The following PEAK1 variants were observed in gnomAD, a reference collection of about 807,000 sequenced individuals.
PEAK1 encodes pseudopodium enriched atypical kinase 1.
A neutral mutation model predicts 124.7 loss-of-function variants in PEAK1; 54 were observed. The ratio of observed to expected loss-of-function variants is 0.43; its 90% CI spans 0.35 to 0.54. PEAK1 has a LOEUF of 0.54. PEAK1 is among the 20% of genes least tolerant of loss of function. PEAK1 has a pLI of 0.01. For missense variants in PEAK1, 2,046 were observed against 2,134.5 expected (o/e 0.96, Z 0.82); for synonymous variants, 719 against 760.0 (o/e 0.95, Z 0.89).
chr15:77,391,214 A>G (rs2070421507), intron 1 of PEAK1, among the ~76,000 whole-genome samples: 1 of 152,158 alleles, frequency 6.6e-6, no homozygotes. Context: ...AGTTTCACAT[A>G]AAGAATAGGA....
At chr15:77,135,276 G>A (rs1486503291) in intron 8 of PEAK1, among the ~76,000 whole-genome samples, 1 of 152,156 alleles carries the variant, frequency 6.6e-6, no homozygotes, top group Non-Finnish European at 1.5e-5. Flanking sequence ...AATGAATAGG[G>A]GTGGTGGTTT....
intron 5 of PEAK1, among the ~76,000 whole-genome samples, chr15:77,275,972 T>C (rs544530421): frequency 1.3e-4 from 20 of 152,006 alleles, no homozygotes; most frequent in Non-Finnish European, 4.4e-5. Flanking sequence ...TCAATGTCAG[T>C]GGATGGGTTC....
intron 6 of PEAK1, among the ~76,000 whole-genome samples, chr15:77,218,427 A>T (rs1373869946): frequency 6.6e-6 from 1 of 151,686 alleles, no homozygotes; most frequent in African/African-American, 2.4e-5. Flanking sequence ...TAAAATGGTG[A>T]ATTATGTTGA....
chr15:77,280,733 C>T (rs1317997640), intron 5 of PEAK1, among the ~76,000 whole-genome samples: 2 of 152,224 alleles, frequency 1.3e-5, no homozygotes, highest in East Asian at 3.9e-4. Context: ...CAATATTCTT[C>T]TTATTGGTTT....
intron 1 of PEAK1, among the ~76,000 whole-genome samples, chr15:77,374,352 A>C (rs1380809361): frequency 6.6e-6 from 1 of 152,202 alleles, no homozygotes; most frequent in East Asian, 1.9e-4. Flanking sequence ...AGAATTTTCT[A>C]ATCACAGAAA....
intron 7 of PEAK1, among the ~76,000 whole-genome samples, chr15:77,162,748 A>T (rs534120340): frequency 6.6e-6 from 1 of 152,270 alleles, no homozygotes; most frequent in South Asian, 2.1e-4. Flanking sequence ...AACAAACTTG[A>T]TGGCATCAAG....
chr15:77,305,212 A>G (rs1430914448), intron 2 of PEAK1, among the ~76,000 whole-genome samples: 2 of 19,940 alleles, frequency 1.0e-4, no homozygotes, highest in Admixed American at 7.3e-4. Flanking sequence ...GGAGGGAGGG[A>G]GGGAGGGTGG....
intron 2 of PEAK1, among the ~76,000 whole-genome samples, chr15:77,311,955 T>C (rs2064493450): frequency 6.6e-6 from 1 of 152,028 alleles, no homozygotes; most frequent in South Asian, 2.1e-4. Flanking sequence ...GACTGCCTAG[T>C]TAGTAGTGTG....
intron 7 of PEAK1, among the ~76,000 whole-genome samples, chr15:77,170,925 G>A (rs1015706719): frequency 3.3e-5 from 5 of 152,080 alleles, no homozygotes; most frequent in African/African-American, 4.8e-5. Context: ...TTTTAAAAAT[G>A]ATAGTTGAGA....
intron 1 of PEAK1, among the ~76,000 whole-genome samples, chr15:77,405,098 C>T (rs1344265155): frequency 6.6e-6 from 1 of 151,890 alleles, no homozygotes; most frequent in African/African-American, 2.4e-5. Flanking sequence ...CTCCGCCTCC[C>T]GGGTTCAAGC....
chr15:77,219,182 A>G (rs2059276391), intron 6 of PEAK1, among the ~76,000 whole-genome samples: 1 of 152,164 alleles, frequency 6.6e-6, no homozygotes, highest in African/African-American at 2.4e-5. Flanking sequence ...GAGAATAATA[A>G]AGAGGCAGTT....
chr15:77,334,106 T>G, intron 2 of PEAK1: 1 of 873,244 alleles, frequency 1.1e-6, no homozygotes, highest in Non-Finnish European at 1.4e-6. Context: ...TAATTTGTAC[T>G]TGTTTTATCG....
intron 6 of PEAK1, among the ~76,000 whole-genome samples, chr15:77,188,951 T>C (rs538355125): frequency 1.3e-5 from 2 of 152,100 alleles, no homozygotes; most frequent in Non-Finnish European, 2.9e-5. Context: ...ATCCCAACAC[T>C]ACATTTTGGG....
chr15:77,149,365 G>C (rs2054407054), intron 8 of PEAK1, among the ~76,000 whole-genome samples: 1 of 152,146 alleles, frequency 6.6e-6, no homozygotes, highest in African/African-American at 2.4e-5. Flanking sequence ...AAAAGAGAAA[G>C]TGGTCTTTAT....
At chr15:77,168,128 C>T (rs966608160) in intron 7 of PEAK1, among the ~76,000 whole-genome samples, 1 of 152,032 alleles carries the variant, frequency 6.6e-6, no homozygotes, top group Non-Finnish European at 1.5e-5. Flanking sequence ...ACAATTGAAG[C>T]TTCTAACTGA....
downstream of PEAK1, chr15:77,105,628 AAG>A (rs2050743614): frequency 6.6e-6 from 1 of 152,206 alleles, no homozygotes; most frequent in Non-Finnish European, 1.5e-5. Flanking sequence ...TCCCTTGTAG[AAG>A]AGAGTGCGAA....
exon 7 of PEAK1, chr15:77,101,254 G>A (rs1244041112): frequency 6.6e-6 from 1 of 152,212 alleles, no homozygotes; most frequent in Admixed American, 6.5e-5. Context: ...GGTAGGAGGT[G>A]TTCAGAGAAA....
chr15:77,128,491 C>T (rs556683043), intron 9 of PEAK1, among the ~76,000 whole-genome samples: 1 of 152,284 alleles, frequency 6.6e-6, no homozygotes, highest in East Asian at 1.9e-4. Flanking sequence ...GCTAGGATAA[C>T]CATGACCAGT....
At chr15:77,205,709 G>C (rs2058608925) in intron 6 of PEAK1, among the ~76,000 whole-genome samples, 1 of 152,166 alleles carries the variant, frequency 6.6e-6, no homozygotes, top group Non-Finnish European at 1.5e-5. Context: ...TAGGATGTAT[G>C]TAACAGCTTA....
Sources: gnomAD v4.1 joint callset for allele counts (sites outside exome capture counted in the v4.1 genomes callset) on GRCh38, gnomAD v4.1.1 for gene constraint, MANE v1.5 for transcripts, NCBI Gene and HGNC (gene_info 2026-07-23, HGNC 2026-07-21) for gene names.